The following ARK2C variants were observed in gnomAD, a reference collection of about 807,000 sequenced individuals.
The protein encoded by ARK2C is E3 ubiquitin-protein ligase ARK2C.
chr18:46,410,591 C>T, the ARK2C span, among the ~76,000 whole-genome samples: 1 of 152,220 alleles, frequency 6.6e-6, no homozygotes, highest in Non-Finnish European at 1.5e-5. Context: ...CTGGCAGGAC[C>T]TAGATCTTGG....
the ARK2C span, among the ~76,000 whole-genome samples, chr18:46,399,197 C>T: frequency 6.6e-6 from 1 of 152,274 alleles, no homozygotes; most frequent in African/African-American, 2.4e-5. Context: ...GTGAATCCTT[C>T]GAGGAGAAGG....
the ARK2C span, among the ~76,000 whole-genome samples, chr18:46,387,293 G>C: frequency 6.6e-6 from 1 of 152,178 alleles, no homozygotes. Context: ...GTGGGTGAGG[G>C]GGTTGGGGAT....
At chr18:46,405,869 C>G in the ARK2C span, among the ~76,000 whole-genome samples, 1 of 152,064 alleles carries the variant, frequency 6.6e-6, no homozygotes, top group African/African-American at 2.4e-5. Flanking sequence ...GGCAGGGAAG[C>G]CATCCCCTGT....
At chr18:46,435,275 C>A in the ARK2C span, 1 of 1,612,362 alleles carries the variant, frequency 6.2e-7, no homozygotes, top group South Asian at 1.1e-5. Flanking sequence ...GGCTCTCCAT[C>A]CCTTCTGGTG....
At chr18:46,407,990 G>A in the ARK2C span, among the ~76,000 whole-genome samples, 7 of 152,226 alleles carry the variant, frequency 4.6e-5, no homozygotes, top group Admixed American at 1.3e-4. Context: ...CATAGCAGCT[G>A]AGCTTTGAAG....
chr18:46,375,148 C>T, the ARK2C span, among the ~76,000 whole-genome samples: 719 of 152,306 alleles, frequency 4.7e-3, 7 homozygotes, highest in Middle Eastern at 0.017. Context: ...CAACTCCCCC[C>T]GCCCTCAGAG....
At chr18:46,370,113 C>G in the ARK2C span, among the ~76,000 whole-genome samples, 1 of 152,238 alleles carries the variant, frequency 6.6e-6, no homozygotes, top group Admixed American at 6.5e-5. Context: ...TTTCCAGGCT[C>G]ATCTACCAAT....
chr18:46,443,439 C>T, the ARK2C span, among the ~76,000 whole-genome samples: 215 of 152,334 alleles, frequency 1.4e-3, no homozygotes, highest in African/African-American at 4.4e-3. Context: ...CAGCATACTT[C>T]CATTACCCCT....
the ARK2C span, among the ~76,000 whole-genome samples, chr18:46,409,427 G>A: frequency 2.0e-5 from 3 of 152,264 alleles, no homozygotes; most frequent in South Asian, 2.1e-4. Flanking sequence ...TGCACTCTTC[G>A]TTAGTTTAGC....
the ARK2C span, among the ~76,000 whole-genome samples, chr18:46,417,598 C>T: frequency 2.0e-5 from 3 of 152,246 alleles, no homozygotes; most frequent in African/African-American, 7.2e-5. Context: ...ATGGAACCCC[C>T]CCAACCTTTT....
chr18:46,381,573 G>A, the ARK2C span, among the ~76,000 whole-genome samples: 1 of 152,178 alleles, frequency 6.6e-6, no homozygotes, highest in Non-Finnish European at 1.5e-5. Flanking sequence ...GCTCACACCT[G>A]TAGTGCCAAC....
chr18:46,334,366 G>A, the ARK2C span: 1 of 1,572,016 alleles, frequency 6.4e-7, no homozygotes, highest in Non-Finnish European at 8.6e-7. The surrounding 1 kb of genome is among the most constrained non-coding windows in gnomAD (Gnocchi z 4.4). Context: ...GGTCTGCTTC[G>A]GAGCGTGGAT....
At chr18:46,387,226 C>T in the ARK2C span, 1 of 152,202 alleles carries the variant, frequency 6.6e-6, no homozygotes, top group Non-Finnish European at 1.5e-5. Flanking sequence ...CCAGCTGAGG[C>T]ATGCATAAAA....
At chr18:46,431,339 C>T in the ARK2C span, among the ~76,000 whole-genome samples, 1 of 152,262 alleles carries the variant, frequency 6.6e-6, no homozygotes, top group East Asian at 1.9e-4. Flanking sequence ...CTAAAGCTGT[C>T]TAGAATGTCT....
chr18:46,337,488 C>A, the ARK2C span: 2 of 985,184 alleles, frequency 2.0e-6, no homozygotes, highest in South Asian at 9.4e-5. Flanking sequence ...TCGTGTAGCC[C>A]GGGCCATCTG....
chr18:46,456,343 C>T, the ARK2C span, among the ~76,000 whole-genome samples: 1 of 152,172 alleles, frequency 6.6e-6, no homozygotes, highest in African/African-American at 2.4e-5. Flanking sequence ...AAAGTTGTGG[C>T]TTTGTTTCAG....
chr18:46,392,817 G>A, the ARK2C span, among the ~76,000 whole-genome samples: 2 of 152,194 alleles, frequency 1.3e-5, no homozygotes, highest in African/African-American at 4.8e-5. Context: ...CACCGCTCCT[G>A]CACCCAGGAG....
chr18:46,433,211 A>G, the ARK2C span: 2 of 1,595,644 alleles, frequency 1.3e-6, no homozygotes, highest in Non-Finnish European at 8.5e-7. Context: ...CAAAGGTCTC[A>G]GCATCCTCAC....
chr18:46,341,509 G>T, the ARK2C span, among the ~76,000 whole-genome samples: 1 of 152,204 alleles, frequency 6.6e-6, no homozygotes, highest in Non-Finnish European at 1.5e-5. Context: ...CCATTTTGGT[G>T]AGAATTGAGT....
Sources: gnomAD v4.1 joint callset for allele counts (sites outside exome capture counted in the v4.1 genomes callset) on GRCh38, gnomAD v4.1.1 for gene constraint, Gnocchi (gnomAD v3.1) non-coding constraint, MANE v1.5 for transcripts, NCBI Gene and HGNC (gene_info 2026-07-23, HGNC 2026-07-21) for gene names.